The following LRRC9 variants were observed in gnomAD, a reference collection of about 807,000 sequenced individuals.
LRRC9 encodes the protein leucine-rich repeat-containing protein 9.
A neutral mutation model predicts 63.2 loss-of-function variants in LRRC9; 122 were observed. The observed-to-expected ratio is 1.93, with a 90% CI of 1.67 to 2.24. The LOEUF (loss-of-function observed/expected upper bound fraction) is 2.24, where lower values mean the gene tolerates loss of function less well. Among genes scored for constraint, LRRC9 ranks in the 30% most tolerant of loss-of-function variants. LRRC9 has a pLI of 0.00. For synonymous variants in LRRC9, 366 were observed against 213.1 expected (o/e 1.72, Z -6.25); for missense variants, 1,071 against 627.7 (o/e 1.71, Z -7.55).
At chr14:60,009,435 C>T (rs1463478989) in intron 23 of LRRC9, among the ~76,000 whole-genome samples, 1 of 152,208 alleles carries the variant, frequency 6.6e-6, no homozygotes, top group East Asian at 1.9e-4. Flanking sequence ...TCTCATGAGA[C>T]TTATTCACTA....
At chr14:60,001,496 C>T (rs1030889348) in intron 19 of LRRC9, among the ~76,000 whole-genome samples, 2 of 152,044 alleles carry the variant, frequency 1.3e-5, no homozygotes, top group African/African-American at 4.8e-5. Context: ...ATTCAATTTA[C>T]ATGAATTTCA....
chr14:60,042,965 T>C lies in LRRC9; in HGVS notation c.3991-10100T>C, dbSNP rs1893086834. ...CCTTTTTTCTGTGTGTCTTTTTCTA[T>C]TTCTTTCATCAGAGGTTTATAGTTT... On this transcript the variant is annotated intron_variant, in intron 29 of 31. Coordinates refer to ENST00000445360, the Ensembl canonical transcript of LRRC9. This position sits in a 1 kb window ranked among gnomAD's most constrained non-coding sequence, Gnocchi z 4.2. Among the ~76,000 whole-genome samples the C allele has an allele frequency of 6.6e-6, 1 of 152,248 alleles. No individual in the cohort carries two copies. Among genetic ancestry groups the C allele is most frequent in the African/African-American group, 2.4e-5 (1 of 41,468 alleles).
intron 28 of LRRC9, among the ~76,000 whole-genome samples, chr14:60,029,619 T>C (rs931347667): frequency 1.3e-5 from 2 of 152,120 alleles, no homozygotes; most frequent in Non-Finnish European, 2.9e-5. Flanking sequence ...GTAATCTGCT[T>C]TTCCACAAGA....
In LRRC9 at chr14:59,922,090, AAAAT is replaced by A. The variant is rs1409120791; in HGVS notation, c.-34+2222_-34+2225del. On this transcript the variant is annotated intron_variant, in intron 1 of 31. Transcript: ENST00000445360. This position sits in a 1 kb window ranked among gnomAD's most constrained non-coding sequence, Gnocchi z 5.3. ...CAAAGTGAGATTCTGTCTCAAAAAA[AAAAT>A]AAATAAATAAATAAGAAAGAAAAAA... Among the ~76,000 whole-genome samples the A allele has an allele frequency of 1.3e-5, 2 of 152,002 alleles. No homozygotes were observed. Among genetic ancestry groups the A allele is most frequent in the Middle Eastern group, 3.4e-3 (1 of 294 alleles).
chr14:60,063,567 T>C (rs1894792255), downstream of LRRC9: 1 of 449,890 alleles, frequency 2.2e-6, no homozygotes, highest in Non-Finnish European at 3.9e-6. Context: ...TTCTTTATGG[T>C]TATCTTTAGT....
chr14:60,009,215 G>C (rs935337849), intron 23 of LRRC9, among the ~76,000 whole-genome samples: 7 of 152,160 alleles, frequency 4.6e-5, no homozygotes, highest in African/African-American at 1.7e-4. Context: ...CACTGACAAT[G>C]AGTGTATTAG....
chr14:60,025,060 T>G (rs985010137), intron 27 of LRRC9, among the ~76,000 whole-genome samples: 2 of 151,552 alleles, frequency 1.3e-5, no homozygotes, highest in Non-Finnish European at 2.9e-5. Context: ...GGTTGGTTTT[T>G]TGTTTTTGGT....
rs1290482799 is a variant in LRRC9 at position 59,938,737 on chromosome 14, A to C, written c.726+165A>C. 6.6e-6 allele frequency among the ~76,000 whole-genome samples: 1 copy of C among 151,724 alleles called. No individual in the cohort carries two copies. The highest frequency in any genetic ancestry group is 1.5e-5 in the Non-Finnish European group (1 of 67,920). The stretch of plus-strand genomic sequence containing the variant: ...TATTACACATAAAAGTATATAAATA[A>C]TAATATTAATACTAGAATCTTAATT... On this transcript the variant is annotated intron_variant, in intron 7 of 31. Transcript: ENST00000445360. This position sits in a 1 kb window ranked among gnomAD's most constrained non-coding sequence, Gnocchi z 4.2.
chr14:59,966,646 A>C lies in LRRC9; in HGVS notation c.1269A>C (p.Thr423=), dbSNP rs1259143439. Residue 423 remains threonine (T), a synonymous_variant, in exon 11 of 32, where the codon ACA becomes ACC. Transcript: ENST00000445360. The surrounding 1 kb of genome is among the most constrained non-coding windows in gnomAD (Gnocchi z 4.0). ...GTTTTTGTGCCTGGGACTTCAGAAC[A>C]TACGGTATTACAGGAGTAAAAGTAA... 1 of 697,250 alleles carries C rather than the reference A, an allele frequency of 1.4e-6. No homozygotes were observed. 43.2% of individuals were successfully genotyped at this position (697,250 alleles called of 1,614,324 possible).
At chr14:60,052,611 T>C (rs1893977053) in intron 29 of LRRC9, among the ~76,000 whole-genome samples, 1 of 152,254 alleles carries the variant, frequency 6.6e-6, no homozygotes, top group South Asian at 2.1e-4. Flanking sequence ...GCAGACCCTT[T>C]TGAAGTTAAC....
chr14:60,025,041 G>GT (rs976147132), intron 27 of LRRC9, among the ~76,000 whole-genome samples: 7 of 148,344 alleles, frequency 4.7e-5, no homozygotes, highest in African/African-American at 1.2e-4. Context: ...TTGTTTTTGT[G>GT]TTTTTTTCGG....
chr14:60,055,732 AAAAAAAAAAAAAAAC>A, intron 30 of LRRC9, among the ~76,000 whole-genome samples: 1 of 127,480 alleles, frequency 7.8e-6, no homozygotes, highest in Non-Finnish European at 1.7e-5. Context: ...GTCTCTATTT[AAAAAAAAAAAAAAAC>A]AAAAAAAACT....
At chr14:60,016,600 G>T in intron 23 of LRRC9, 60 bp from the exon 24 acceptor site, 1 of 633,824 alleles carries the variant, frequency 1.6e-6, no homozygotes, top group South Asian at 1.7e-5. Flanking sequence ...TAAAACCAGA[G>T]AACTATGTAA....
At position 59,922,657 on chromosome 14, in the gene LRRC9, G is replaced by A. The variant is rs987582598; in HGVS notation, c.-34+2774G>A. Among the ~76,000 whole-genome samples, 5 of 152,124 alleles carry A rather than the reference G, an allele frequency of 3.3e-5. No individual in the cohort carries two copies. The highest frequency in any genetic ancestry group is 4.2e-4 in the South Asian group (2 of 4,816). On this transcript the variant is annotated intron_variant, in intron 1 of 31. Coordinates refer to ENST00000445360, the Ensembl canonical transcript of LRRC9. This position sits in a 1 kb window ranked among gnomAD's most constrained non-coding sequence, Gnocchi z 5.3. The stretch of plus-strand genomic sequence containing the variant: ...GGAGTCAGAAGGGAAAGAAAAATAC[G>A]TCTTTGAGAGGAGGGAAATAAGAAA...
intron 26 of LRRC9, among the ~76,000 whole-genome samples, chr14:60,020,134 C>T (rs1437193920): frequency 6.6e-6 from 1 of 151,852 alleles, no homozygotes; most frequent in Non-Finnish European, 1.5e-5. Flanking sequence ...TGGCACCTGG[C>T]AACAACCACT....
chr14:60,023,699 G>C (rs984289345), intron 27 of LRRC9, among the ~76,000 whole-genome samples: 2 of 151,982 alleles, frequency 1.3e-5, no homozygotes, highest in Admixed American at 6.6e-5. Context: ...AGAATGTGCA[G>C]GTTTGTTACA....
intron 8 of LRRC9, among the ~76,000 whole-genome samples, chr14:59,947,377 G>GT (rs1446611504): frequency 8.4e-6 from 1 of 118,766 alleles, no homozygotes; most frequent in African/African-American, 3.6e-5. Flanking sequence ...TTGTAAATTT[G>GT]TTTGAGTTCA....
At chr14:59,994,227 A>G (rs1273377586) in intron 17 of LRRC9, among the ~76,000 whole-genome samples, 24 of 152,262 alleles carry the variant, frequency 1.6e-4, no homozygotes, top group Non-Finnish European at 2.9e-4. Flanking sequence ...TCTCAAAAGA[A>G]GACATTTATG....
Position 59,931,987 on chromosome 14 carries a change from A to G in LRRC9, c.491A>G (p.Asn164Ser), listed in dbSNP as rs972806. 2,874 of 700,456 alleles carry G rather than the reference A, an allele frequency of 4.1e-3. 30 individuals carry two copies. Among genetic ancestry groups the G allele is most frequent in the East Asian group, 0.029 (1,076 of 37,124 alleles). 43.4% of individuals were successfully genotyped at this position (700,456 alleles called of 1,614,324 possible). The change falls in exon 6 of 32, where the codon AAT (asparagine) becomes AGT (serine). Residue 164 changes from asparagine to serine, a missense_variant. Transcript: ENST00000445360. ...TTTAAAGGTCGATGTCTTGACTCCA[A>G]TGAACAACTGGAAAGATTAAACCTT... is the stretch of plus-strand genomic sequence containing the variant.
Sources: allele counts gnomAD v4.1 joint callset (sites outside exome capture counted in the v4.1 genomes callset), GRCh38; gene constraint gnomAD v4.1.1; non-coding constraint Gnocchi (gnomAD v3.1); transcripts MANE v1.5; gene names NCBI Gene and HGNC (gene_info 2026-07-23, HGNC 2026-07-21).